The following MAD1L1 variants were observed in gnomAD, a reference collection of about 807,000 sequenced individuals.
MAD1L1 encodes the protein mitotic arrest deficient 1 like 1.
MAD1L1 carries 95 observed loss-of-function variants against 96.9 expected under a neutral mutation model. The ratio of observed to expected loss-of-function variants is 0.98; its 90% CI spans 0.83 to 1.16. MAD1L1 has a LOEUF of 1.16. Ranked by LOEUF, MAD1L1 falls within the 50% of genes most tolerant of loss-of-function variation. The pLI is 0.00. For missense variants in MAD1L1, 1,007 were observed against 954.4 expected (o/e 1.06, Z -0.73); for synonymous variants, 473 against 396.6 (o/e 1.19, Z -2.29).
At chr7:2,178,345 G>C (rs1326378518) in intron 10 of MAD1L1, among the ~76,000 whole-genome samples, 1 of 152,162 alleles carries the variant, frequency 6.6e-6, no homozygotes, top group Non-Finnish European at 1.5e-5. Context: ...CGTACAACCA[G>C]TGCCTTACCT....
At position 2,155,052 on chromosome 7, in the gene MAD1L1, C is replaced by T. The variant is rs191329396; in HGVS notation, c.987-5814G>A. ...CTGTGAGCTCTCAGAGAGGCTTGCA[C>T]GGAGAAGCAGCACGGGAGCCGGAGA... On this transcript the variant is annotated intron_variant, in intron 10 of 18. Coordinates refer to ENST00000265854, the MANE Select transcript of MAD1L1 (RefSeq NM_001013836.2). Among the ~76,000 whole-genome samples, 738 of 152,260 alleles carry T rather than the reference C, an allele frequency of 4.8e-3. 9 individuals are homozygous for T. Among genetic ancestry groups the T allele is most frequent in the African/African-American group, 0.016 (678 of 41,552 alleles).
rs1039045752 is a variant in MAD1L1, at chr7:1,954,884, G to A, written c.1596+2745C>T. Among the ~76,000 whole-genome samples, 27 of 152,210 alleles carry A rather than the reference G, an allele frequency of 1.8e-4. 1 individual carries two copies. The highest frequency in any genetic ancestry group is 1.8e-3 in the Admixed American group (27 of 15,292). On this transcript the variant is annotated intron_variant, in intron 16 of 18. Transcript: ENST00000265854. ...CAGGAGCCCCGCCCACCCACTTCCA[G>A]CCCCTTCAGCGACACAAGGGTGCAC...
intron 11 of MAD1L1, among the ~76,000 whole-genome samples, chr7:2,076,452 ACTC>A (rs1457585769): frequency 6.6e-6 from 1 of 152,044 alleles, no homozygotes; most frequent in East Asian, 1.9e-4. Flanking sequence ...GCCATCCTGC[ACTC>A]CTCAGCTCCA....
chr7:1,959,119 G>A (rs943463026), intron 15 of MAD1L1, among the ~76,000 whole-genome samples: 2 of 152,094 alleles, frequency 1.3e-5, no homozygotes, highest in African/African-American at 2.4e-5. Context: ...GGGCGTCGTG[G>A]TACACCCCTG....
chr7:2,107,172 G>A (rs1237771893), intron 11 of MAD1L1, among the ~76,000 whole-genome samples: 7 of 152,238 alleles, frequency 4.6e-5, no homozygotes, highest in African/African-American at 7.2e-5. Context: ...CAGAGGAGTC[G>A]CAAGCACCTT....
chr7:2,110,041 C>T (rs1787299008), intron 11 of MAD1L1, among the ~76,000 whole-genome samples: 1 of 152,262 alleles, frequency 6.6e-6, no homozygotes, highest in Non-Finnish European at 1.5e-5. Context: ...GAGGCCCACG[C>T]CTTTCCAGTC....
intron 18 of MAD1L1, among the ~76,000 whole-genome samples, chr7:1,888,019 G>C (rs1786244511): frequency 6.6e-6 from 1 of 150,488 alleles, no homozygotes; most frequent in African/African-American, 2.5e-5. Context: ...GTACGTGTGT[G>C]TGCATGCGTG....
chr7:1,998,033 C>T (rs975346424), intron 14 of MAD1L1, among the ~76,000 whole-genome samples: 11 of 152,144 alleles, frequency 7.2e-5, no homozygotes, highest in East Asian at 1.9e-4. Context: ...AGCGCTTAAA[C>T]GGTGCTGCGT....
intron 10 of MAD1L1, among the ~76,000 whole-genome samples, chr7:2,149,819 C>T (rs1789483093): frequency 6.6e-6 from 1 of 152,246 alleles, no homozygotes. Flanking sequence ...TCAGCAACAG[C>T]TGAGCTCGGC....
chr7:1,971,039 G>A (rs1195498954), intron 15 of MAD1L1, among the ~76,000 whole-genome samples: 1 of 152,154 alleles, frequency 6.6e-6, no homozygotes, highest in Non-Finnish European at 1.5e-5. Flanking sequence ...GTAGTGTGGA[G>A]ATGCATGCAG....
Position 1,942,848 on chromosome 7 carries a change from C to T in MAD1L1, c.1597-5951G>A, listed in dbSNP as rs1032739833. On this transcript the variant is annotated intron_variant, in intron 16 of 18. Coordinates refer to ENST00000265854, the MANE Select transcript of MAD1L1 (RefSeq NM_001013836.2). ...ACCACAGGCTTGCAAAGGGGGAACACGGGAGGAAGACTCAGTCTCCTGATT... is the reference window on the plus strand; with the variant it reads ...ACCACAGGCTTGCAAAGGGGGAACATGGGAGGAAGACTCAGTCTCCTGATT... Among the ~76,000 whole-genome samples the T allele has an allele frequency of 2.0e-5, 3 of 152,182 alleles. No homozygotes were observed. In the South Asian group the frequency reaches 6.2e-4, roughly 32 times the overall value.
At chr7:1,864,783 T>C (rs555745793) in intron 18 of MAD1L1, among the ~76,000 whole-genome samples, 2 of 152,264 alleles carry the variant, frequency 1.3e-5, no homozygotes, top group East Asian at 1.9e-4. Flanking sequence ...TGGGAGAGCC[T>C]GGTGCCCCCC....
intron 10 of MAD1L1, among the ~76,000 whole-genome samples, chr7:2,179,978 A>G (rs1228636759): frequency 4.2e-5 from 6 of 142,506 alleles, no homozygotes; most frequent in Non-Finnish European, 9.1e-5. Context: ...TCTCAAAAAA[A>G]AAAAGAAAAG....
At chr7:2,220,594 G>A (rs6963350) in intron 5 of MAD1L1, among the ~76,000 whole-genome samples, 12,375 of 152,252 alleles carry the variant, frequency 0.081, 1,733 homozygotes, top group African/African-American at 0.28. Flanking sequence ...GGGTGGGCCT[G>A]GCTGGGCGGC....
intron 15 of MAD1L1, among the ~76,000 whole-genome samples, chr7:1,958,265 A>G (rs1474666654): frequency 6.6e-6 from 1 of 152,214 alleles, no homozygotes; most frequent in African/African-American, 2.4e-5. Context: ...CCTTCTCCAC[A>G]GTGGGAATAG....
At chr7:1,861,066 C>G (rs1394510303) in intron 18 of MAD1L1, among the ~76,000 whole-genome samples, 1 of 152,252 alleles carries the variant, frequency 6.6e-6, no homozygotes, top group East Asian at 1.9e-4. Flanking sequence ...CTGTACCGCA[C>G]AAGTCCCAGC....
intron 10 of MAD1L1, among the ~76,000 whole-genome samples, chr7:2,152,908 G>A (rs116938580): frequency 1.5e-3 from 232 of 152,280 alleles, no homozygotes; most frequent in Non-Finnish European, 2.6e-3. Flanking sequence ...GGATGTCGCC[G>A]GGGACATGAG....
At chr7:2,196,855 C>T (rs1301775152) in intron 10 of MAD1L1, among the ~76,000 whole-genome samples, 1 of 152,330 alleles carries the variant, frequency 6.6e-6, no homozygotes, top group East Asian at 1.9e-4. Context: ...CTCCATGAGG[C>T]TCTCAACTGA....
Position 1,931,845 on chromosome 7 carries a change from C to A in MAD1L1, c.1807+4842G>T, listed in dbSNP as rs1039922062. On this transcript the variant is annotated intron_variant, in intron 17 of 18. Coordinates refer to ENST00000265854, the MANE Select transcript of MAD1L1 (RefSeq NM_001013836.2). ...GAGCCAATGGTCGTCCTGCTTCCCA[C>A]GCACTCAGCCTTCTAGGTGCTCATG... 2.6e-5 allele frequency among the ~76,000 whole-genome samples: 4 copies of A among 152,226 alleles called. No homozygotes were observed. In the East Asian group the frequency reaches 5.8e-4, roughly 22 times the overall value.
Sources: gnomAD v4.1 joint callset for allele counts (sites outside exome capture counted in the v4.1 genomes callset) on GRCh38, gnomAD v4.1.1 for gene constraint, MANE v1.5 for transcripts, NCBI Gene and HGNC (gene_info 2026-07-23, HGNC 2026-07-21) for gene names.